Variants in TYW1 observed in about 807,000 individuals in gnomAD.
TYW1 encodes tRNA-yW synthesizing protein 1 homolog, also known as S-adenosyl-L-methionine-dependent tRNA 4-demethylwyosine synthase TYW1.
In TYW1, 46 loss-of-function variants were observed where a neutral mutation model predicts 96.2. The observed-to-expected ratio is 0.48, with a 90% CI of 0.38 to 0.61. The LOEUF is 0.61. TYW1 is among the 20% of genes least tolerant of loss of function. The probability of loss-of-function intolerance (pLI) is 0.00; values close to 1 mark genes in which losing one functional copy is unlikely to be tolerated. For synonymous variants in TYW1, 274 were observed against 323.0 expected (o/e 0.85, Z 1.63); for missense variants, 684 against 909.6 (o/e 0.75, Z 3.19).
At chr7:67,013,539 C>G (rs898674618) in intron 4 of TYW1, among the ~76,000 whole-genome samples, 1 of 152,066 alleles carries the variant, frequency 6.6e-6, no homozygotes, top group African/African-American at 2.4e-5. Context: ...CAATCTCAAA[C>G]ACCAAATACA....
intron 3 of TYW1, among the ~76,000 whole-genome samples, chr7:67,006,033 G>C (rs35175278): frequency 0.22 from 32,811 of 152,018 alleles, 3,727 homozygotes; most frequent in African/African-American, 0.28. Context: ...TTGCCATAAA[G>C]GAATACCTGC....
At chr7:67,032,174 T>C (rs1794691286) in intron 7 of TYW1, among the ~76,000 whole-genome samples, 1 of 152,162 alleles carries the variant, frequency 6.6e-6, no homozygotes, top group Non-Finnish European at 1.5e-5. Flanking sequence ...TGTCTGGACA[T>C]TTTGGGAAAT....
chr7:67,048,119 T>C (rs1262453841), intron 7 of TYW1, among the ~76,000 whole-genome samples: 1 of 98,934 alleles, frequency 1.0e-5, no homozygotes, highest in Non-Finnish European at 2.0e-5. Context: ...TTCTCAAAAG[T>C]ACACAGAGTG....
intron 11 of TYW1, among the ~76,000 whole-genome samples, chr7:67,095,783 T>C (rs903138694): frequency 5.3e-5 from 8 of 152,076 alleles, no homozygotes; most frequent in African/African-American, 1.7e-4. Flanking sequence ...GTGCTATCCC[T>C]ACTGAAGTCA....
chr7:67,210,385 ATCC>A (rs1203989075), intron 15 of TYW1, among the ~76,000 whole-genome samples: 1 of 152,100 alleles, frequency 6.6e-6, no homozygotes, highest in Non-Finnish European at 1.5e-5. Context: ...GCTGACCTCG[ATCC>A]TCCAACTGAG....
intron 13 of TYW1, among the ~76,000 whole-genome samples, chr7:67,178,544 A>C (rs558241339): frequency 6.6e-6 from 1 of 152,324 alleles, no homozygotes; most frequent in South Asian, 2.1e-4. Flanking sequence ...ACATAATCCA[A>C]ATGTTTAGGG....
intron 15 of TYW1, among the ~76,000 whole-genome samples, chr7:67,238,041 C>T (rs1284657219): frequency 1.3e-5 from 2 of 151,838 alleles, no homozygotes; most frequent in Admixed American, 6.6e-5. Context: ...GTCAGCGGGA[C>T]TGCTTGAGAT....
chr7:67,015,324 G>A (rs969967047), intron 5 of TYW1, among the ~76,000 whole-genome samples: 5 of 151,982 alleles, frequency 3.3e-5, no homozygotes, highest in African/African-American at 1.2e-4. Flanking sequence ...CTTTATGCAG[G>A]TGAACTCTTA....
chr7:67,201,710 T>A (rs966173923), intron 15 of TYW1, among the ~76,000 whole-genome samples: 4 of 152,024 alleles, frequency 2.6e-5, no homozygotes, highest in African/African-American at 9.7e-5. Flanking sequence ...ATGCCCAGAG[T>A]GAGACAGATG....
chr7:67,190,897 A>G (rs1227049971), intron 14 of TYW1, among the ~76,000 whole-genome samples: 1 of 152,250 alleles, frequency 6.6e-6, no homozygotes, highest in Non-Finnish European at 1.5e-5. Context: ...TCAAACCAGC[A>G]AAATACTGCT....
Position 67,195,203 on chromosome 7 carries a change from A to C in TYW1, c.1843A>C (p.Ser615Arg), listed in dbSNP as rs760263332. 7.4e-6 allele frequency: 12 copies of C among 1,613,828 alleles called. No homozygotes were observed. In the East Asian group the frequency reaches 2.5e-4, roughly 33 times the overall value. ...VTYCGESSAS[S>R]LTMAHVPWHE... ...CTACTGCGGAGAAAGTTCAGCAAGC[A>C]GTCTTACCATGGCCCACGTGCCCTG... The change falls in exon 15 of 16, where the codon AGT (serine) becomes CGT (arginine). Residue 615 changes from serine (S) to arginine (R), a missense_variant. Transcript: ENST00000359626.
intron 7 of TYW1, among the ~76,000 whole-genome samples, chr7:67,042,603 C>CT (rs1795063767): frequency 6.6e-6 from 1 of 152,028 alleles, no homozygotes; most frequent in Admixed American, 6.6e-5. Flanking sequence ...GTGGAGGGGG[C>CT]TGAGCTTTCT....
At chr7:67,045,685 C>T (rs1344566495) in intron 7 of TYW1, among the ~76,000 whole-genome samples, 1 of 152,118 alleles carries the variant, frequency 6.6e-6, no homozygotes, top group African/African-American at 2.4e-5. Context: ...ATTGCCTTTC[C>T]TGGTTGCATG....
chr7:67,009,550 G>T (rs1289346492), intron 3 of TYW1, 33 bp from the exon 4 acceptor site: 2 of 1,597,494 alleles, frequency 1.3e-6, no homozygotes, highest in Admixed American at 3.5e-5. Context: ...GCTCATTGAA[G>T]ACTTTATTTG....
intron 5 of TYW1, among the ~76,000 whole-genome samples, chr7:67,016,119 T>C (rs1794014958): frequency 6.6e-6 from 1 of 151,742 alleles, no homozygotes; most frequent in Admixed American, 6.6e-5. Context: ...TTCTCTACAC[T>C]TGAAAAAATG....
chr7:67,189,026 A>G (rs1800117686), intron 14 of TYW1, among the ~76,000 whole-genome samples: 1 of 152,194 alleles, frequency 6.6e-6, no homozygotes, highest in Non-Finnish European at 1.5e-5. Flanking sequence ...TCTAACATGT[A>G]TGTATCACCC....
At chr7:67,197,540 G>T (rs559713171) in intron 15 of TYW1, among the ~76,000 whole-genome samples, 9 of 152,274 alleles carry the variant, frequency 5.9e-5, no homozygotes, top group Non-Finnish European at 1.0e-4. Context: ...TAGCCAGGCT[G>T]GTTTCGACCT....
intron 9 of TYW1, among the ~76,000 whole-genome samples, chr7:67,066,031 A>ACC (rs869267846): frequency 2.4e-5 from 2 of 81,834 alleles, no homozygotes; most frequent in Non-Finnish European, 4.8e-5. Context: ...ACACACACAC[A>ACC]CCCACACCCC....
intron 13 of TYW1, among the ~76,000 whole-genome samples, chr7:67,152,131 A>G (rs1021051895): frequency 3.9e-5 from 6 of 152,000 alleles, no homozygotes; most frequent in East Asian, 3.9e-4. Context: ...TTGTTTACAT[A>G]TTGTCTGTGG....
Sources: allele counts gnomAD v4.1 joint callset (sites outside exome capture counted in the v4.1 genomes callset), GRCh38; gene constraint gnomAD v4.1.1; transcripts MANE v1.5; gene names NCBI Gene and HGNC (gene_info 2026-07-23, HGNC 2026-07-21).